The following STK3 variants were observed in gnomAD, a reference collection of about 807,000 sequenced individuals.
STK3 encodes serine/threonine kinase 3, also known as serine/threonine-protein kinase 3.
A neutral mutation model predicts 58.0 loss-of-function variants in STK3; 41 were observed. That is an observed-to-expected ratio of 0.71 (90% CI 0.55 to 0.92). The LOEUF is 0.92. Among genes scored for constraint, STK3 ranks in the 40% least tolerant of loss-of-function variants. The pLI, the probability that STK3 is intolerant of heterozygous loss-of-function variation, is 0.00. For synonymous variants in STK3, 170 were observed against 191.0 expected, an observed-to-expected ratio of 0.89 and a Z score of 0.91; for missense variants, 479 against 602.7, an observed-to-expected ratio of 0.79 and a Z score of 2.15.
In STK3 at chr8:98,428,881, G is replaced by A. The variant is rs745687970; in HGVS notation, n.483+5246C>T. The A allele has an allele frequency of 4.3e-6, 7 of 1,614,020 alleles. No individual in the cohort carries two copies. The highest frequency in any genetic ancestry group is 2.2e-5 in the East Asian group (1 of 44,884). ...GTGGCCCAGGTCCTGAGGCTGATGC[G>A]GATCTTCCGCATCTTAAAGCTGGCC... On this transcript the variant is annotated intron_variant and non_coding_transcript_variant, in intron 3 of 3. Transcript: ENST00000517832. This position sits in a 1 kb window ranked among gnomAD's most constrained non-coding sequence, Gnocchi z 6.7.
At chr8:98,898,395 G>C (rs1339400096) in intron 1 of STK3, among the ~76,000 whole-genome samples, 2 of 152,150 alleles carry the variant, frequency 1.3e-5, no homozygotes, top group Non-Finnish European at 2.9e-5. Flanking sequence ...GGACACCCTG[G>C]TCTAATCAGC....
chr8:98,426,920 G>C (rs1043278261), intron 3 of STK3: 2 of 152,276 alleles, frequency 1.3e-5, no homozygotes, highest in African/African-American at 4.8e-5. Context: ...TTCCGAGCCC[G>C]GGCGGCGGCC....
At chr8:98,881,233 G>A (rs1837780349), downstream of STK3, 1 of 152,076 alleles carries the variant, frequency 6.6e-6, no homozygotes, top group African/African-American at 2.4e-5. Context: ...AGACATAGAG[G>A]AACCTTAAAT....
chr8:98,594,279 G>A (rs778890890), intron 7 of STK3, among the ~76,000 whole-genome samples: 1 of 151,780 alleles, frequency 6.6e-6, no homozygotes, highest in Non-Finnish European at 1.5e-5. Flanking sequence ...GCACTCCAGC[G>A]GGGGCAATAC....
intron 8 of STK3, among the ~76,000 whole-genome samples, chr8:98,560,366 G>A (rs886391993): frequency 2.0e-5 from 3 of 151,892 alleles, no homozygotes; most frequent in Non-Finnish European, 2.9e-5. Flanking sequence ...GTGTGGCAAC[G>A]TCACAGGATA....
intron 6 of STK3, chr8:98,598,139 T>C: frequency 1.0e-6 from 1 of 985,406 alleles, no homozygotes; most frequent in Non-Finnish European, 1.2e-6. Context: ...TCTAGATAAA[T>C]ATTGTTCATC....
At chr8:98,915,165 G>A (rs1268138639) in intron 1 of STK3, among the ~76,000 whole-genome samples, 1 of 151,966 alleles carries the variant, frequency 6.6e-6, no homozygotes, top group African/African-American at 2.4e-5. Flanking sequence ...ATAAACATTT[G>A]AGTCAGTGGG....
rs569945646 is a variant in STK3, at chr8:98,506,327, G to C, written c.1317+20415C>G. On this transcript the variant is annotated intron_variant, in intron 10 of 10. Coordinates refer to ENST00000419617, the MANE Select transcript of STK3 (RefSeq NM_006281.4). ...GTCACGGCTTCCCTTGGCTAGGAAA[G>C]GGAAATCCCCTGACCCCTTGTGCTT... Among the ~76,000 whole-genome samples, 514 of 152,294 alleles carry C rather than the reference G, an allele frequency of 3.4e-3. 4 individuals carry two copies. Among genetic ancestry groups the C allele is most frequent in the South Asian group, 0.013 (65 of 4,834 alleles).
chr8:98,787,938 A>G (rs932597815), intron 1 of STK3, among the ~76,000 whole-genome samples: 4 of 152,228 alleles, frequency 2.6e-5, no homozygotes, highest in Non-Finnish European at 5.9e-5. Flanking sequence ...AAGGAGCTCT[A>G]AATCTTGAAA....
At chr8:98,522,971 T>C (rs1825476002) in intron 10 of STK3, among the ~76,000 whole-genome samples, 1 of 152,206 alleles carries the variant, frequency 6.6e-6, no homozygotes, top group South Asian at 2.1e-4. Flanking sequence ...TGCTTCTACC[T>C]TTTTGTCATT....
chr8:98,770,094 G>C (rs1423027872), intron 2 of STK3, among the ~76,000 whole-genome samples: 1 of 152,036 alleles, frequency 6.6e-6, no homozygotes, highest in Non-Finnish European at 1.5e-5. Context: ...TGAGTACCTT[G>C]AATCCCCAAA....
intron 6 of STK3, 113 bp from the exon 7 acceptor site, chr8:98,596,282 GCT>G: frequency 7.8e-7 from 1 of 1,285,782 alleles, no homozygotes; most frequent in Non-Finnish European, 1.1e-6. Context: ...ACAAATTTAA[GCT>G]GTTCTAGGAT....
At chr8:98,867,571 G>GA (rs1220648367) in intron 3 of STK3, among the ~76,000 whole-genome samples, 39 of 144,686 alleles carry the variant, frequency 2.7e-4, no homozygotes, top group East Asian at 4.0e-4. Context: ...GGAGGGCATG[G>GA]AAAAAAAAAA....
rs1835216361 is a variant in STK3, at chr8:98,825,627, G to A, written c.-87C>T. ...CGGGGCACCGGCCGGCCGAGCCTAG[G>A]GCACCACAGAGGGAAACTCTGGGAA... On this transcript the variant is annotated 5_prime_UTR_variant, in exon 1 of 11. Coordinates refer to ENST00000419617, the MANE Select transcript of STK3 (RefSeq NM_006281.4). 3.8e-6 allele frequency: 5 copies of A among 1,317,682 alleles called. No individual in the cohort carries two copies. The highest frequency in any genetic ancestry group is 4.9e-6 in the Non-Finnish European group (5 of 1,025,762). 81.6% of individuals were successfully genotyped at this position (1,317,682 alleles called of 1,614,324 possible).
chr8:98,488,949 C>T (rs1039666941), intron 10 of STK3, among the ~76,000 whole-genome samples: 5 of 152,156 alleles, frequency 3.3e-5, no homozygotes, highest in Non-Finnish European at 7.3e-5. Flanking sequence ...CAAAAGATGG[C>T]TGGGGCATGC....
chr8:98,883,107 GT>G (rs1384153191), downstream of STK3: 1 of 152,584 alleles, frequency 6.6e-6, no homozygotes, highest in African/African-American at 2.4e-5. Flanking sequence ...GTTTTGTTTT[GT>G]TTTTTAAGAG....
At chr8:98,938,748 C>T (rs1396336009) in intron 1 of STK3, among the ~76,000 whole-genome samples, 2 of 152,128 alleles carry the variant, frequency 1.3e-5, no homozygotes, top group East Asian at 3.8e-4. Context: ...TGACCTACTG[C>T]AGGGAGGGTT....
At chr8:98,775,063 A>G (rs1456573816) in intron 1 of STK3, among the ~76,000 whole-genome samples, 1 of 152,188 alleles carries the variant, frequency 6.6e-6, no homozygotes, top group Non-Finnish European at 1.5e-5. Flanking sequence ...ATATGAATAC[A>G]TATTCTTAAT....
chr8:98,589,543 G>A (rs1051235328), intron 7 of STK3, among the ~76,000 whole-genome samples: 9 of 152,244 alleles, frequency 5.9e-5, no homozygotes, highest in Admixed American at 3.3e-4. Context: ...GGTTACTGCT[G>A]TCTTTTTGTT....
Sources: allele counts gnomAD v4.1 joint callset (sites outside exome capture counted in the v4.1 genomes callset), GRCh38; gene constraint gnomAD v4.1.1; non-coding constraint Gnocchi (gnomAD v3.1); transcripts MANE v1.5; gene names NCBI Gene and HGNC (gene_info 2026-07-23, HGNC 2026-07-21).